Variants in DLG2 observed in about 807,000 individuals in gnomAD.
DLG2 encodes disks large homolog 2.
Under a neutral mutation model 132.5 loss-of-function variants are expected in DLG2, and 45 were observed. The observed-to-expected ratio is 0.34, with a 90% CI of 0.27 to 0.44. DLG2 has a LOEUF of 0.44. Ranked by LOEUF, DLG2 falls within the 20% of genes least tolerant of loss-of-function variation. The pLI is 1.00. For missense variants in DLG2, 1,045 were observed against 1,196.9 expected (o/e 0.87, Z 1.87); for synonymous variants, 424 against 419.6 (o/e 1.01, Z -0.13).
At chr11:84,831,747 G>A (rs539207042) in intron 6 of DLG2, among the ~76,000 whole-genome samples, 96 of 151,686 alleles carry the variant, frequency 6.3e-4, no homozygotes, top group Middle Eastern at 3.4e-3. Context: ...ATATTTAAAT[G>A]GAAGGCAAAT....
intron 6 of DLG2, among the ~76,000 whole-genome samples, chr11:84,750,187 G>A (rs949474170): frequency 1.3e-5 from 2 of 152,006 alleles, no homozygotes; most frequent in African/African-American, 4.8e-5. Flanking sequence ...AAGTTCTAGG[G>A]TACATGTGCA....
At chr11:84,827,308 G>A (rs1200055733) in intron 6 of DLG2, among the ~76,000 whole-genome samples, 1 of 151,450 alleles carries the variant, frequency 6.6e-6, no homozygotes, top group African/African-American at 2.4e-5. Context: ...CACAGAGACA[G>A]GAATGGGAAT....
chr11:85,537,583 G>A (rs1281611525), intron 3 of DLG2, among the ~76,000 whole-genome samples: 1 of 149,222 alleles, frequency 6.7e-6, no homozygotes, highest in Non-Finnish European at 1.5e-5. Flanking sequence ...TGCCACCTTT[G>A]TGAACTGTAA....
chr11:83,609,549 T>C (rs1037550451), intron 19 of DLG2, among the ~76,000 whole-genome samples: 1 of 152,216 alleles, frequency 6.6e-6, no homozygotes, highest in Non-Finnish European at 1.5e-5. Context: ...TATCTAACAA[T>C]TGATTTTAAA....
chr11:83,795,100 T>C (rs2153912881), intron 17 of DLG2, among the ~76,000 whole-genome samples: 1 of 152,314 alleles, frequency 6.6e-6, no homozygotes, highest in South Asian at 2.1e-4. Context: ...TGACTTTTAT[T>C]GGATCATTAA....
At chr11:84,881,180 C>A (rs773490093) in intron 6 of DLG2, among the ~76,000 whole-genome samples, 2 of 152,082 alleles carry the variant, frequency 1.3e-5, no homozygotes, top group African/African-American at 2.4e-5. Flanking sequence ...GGAGATGTGA[C>A]CTTTCCCATG....
intron 7 of DLG2, among the ~76,000 whole-genome samples, chr11:84,396,473 T>C (rs2098811435): frequency 6.6e-6 from 1 of 152,238 alleles, no homozygotes; most frequent in African/African-American, 2.4e-5. Flanking sequence ...TAATTTTCTT[T>C]TGTTTCGTGC....
rs896079640 is a variant in DLG2, at chr11:83,517,745, T to G, written c.2193+14963A>C. ...TGTTAGTTTTCCTTCTAACAGTCAG[T>G]ACCCTCAGCTGCAGGTCTGTTGGAG... On this transcript the variant is annotated intron_variant, in intron 21 of 27. Coordinates refer to ENST00000376104, the MANE Select transcript of DLG2 (RefSeq NM_001142699.3). Among the ~76,000 whole-genome samples the G allele has an allele frequency of 2.6e-5, 4 of 152,204 alleles. No homozygotes were observed. In the East Asian group the frequency reaches 5.8e-4, roughly 22 times the overall value.
chr11:85,583,016 G>A (rs1460681605), intron 3 of DLG2, among the ~76,000 whole-genome samples: 1 of 137,648 alleles, frequency 7.3e-6, no homozygotes, highest in Non-Finnish European at 1.6e-5. Context: ...ATATCAGCTA[G>A]AACCTGGGGA....
At chr11:84,036,424 T>A (rs200050770) in intron 11 of DLG2, among the ~76,000 whole-genome samples, 3 of 146,212 alleles carry the variant, frequency 2.1e-5, no homozygotes, top group Admixed American at 1.4e-4. Flanking sequence ...TGTTTTTTTT[T>A]ATTTTCAATT....
At chr11:84,248,006 T>C (rs1515084) in intron 8 of DLG2, among the ~76,000 whole-genome samples, 110,662 of 152,000 alleles carry the variant, frequency 0.73, 41,383 homozygotes, top group Middle Eastern at 0.85. Context: ...AAATCGTTTT[T>C]TCATTAAATA....
At chr11:84,568,541 C>A (rs1456021767) in intron 6 of DLG2, among the ~76,000 whole-genome samples, 1 of 152,036 alleles carries the variant, frequency 6.6e-6, no homozygotes. Flanking sequence ...GGCAGCCAAC[C>A]TGTAAAGCTG....
intron 8 of DLG2, among the ~76,000 whole-genome samples, chr11:84,226,000 G>T (rs1237911096): frequency 6.6e-6 from 1 of 152,046 alleles, no homozygotes; most frequent in Non-Finnish European, 1.5e-5. Flanking sequence ...TAGTAGAGAC[G>T]GAGTTTCCCC....
chr11:84,990,678 T>A (rs2056993971), intron 6 of DLG2, among the ~76,000 whole-genome samples: 1 of 151,546 alleles, frequency 6.6e-6, no homozygotes, highest in South Asian at 2.1e-4. Context: ...CTATTAAAAT[T>A]CATAAAATAA....
At chr11:84,472,515 T>C (rs542341049) in intron 7 of DLG2, among the ~76,000 whole-genome samples, 57 of 152,072 alleles carry the variant, frequency 3.7e-4, no homozygotes, top group African/African-American at 1.3e-3. Context: ...AACAGGGTAA[T>C]TTTTGTTTGT....
chr11:85,021,666 T>C, intron 6 of DLG2: 5 of 1,129,648 alleles, frequency 4.4e-6, no homozygotes, highest in Non-Finnish European at 5.4e-6. Flanking sequence ...TGTTTGATGA[T>C]AAGGTTTCTC....
chr11:83,499,888 T>C (rs1361203716), intron 21 of DLG2, among the ~76,000 whole-genome samples: 1 of 105,860 alleles, frequency 9.4e-6, no homozygotes, highest in African/African-American at 4.0e-5. Flanking sequence ...TATATATATA[T>C]ATATATATAT....
chr11:83,619,924 G>A (rs2061377474), intron 19 of DLG2, among the ~76,000 whole-genome samples: 1 of 152,088 alleles, frequency 6.6e-6, no homozygotes, highest in Non-Finnish European at 1.5e-5. Context: ...ACTGGAACTA[G>A]TAAAGAGGTT....
intron 18 of DLG2, among the ~76,000 whole-genome samples, chr11:83,675,012 G>C (rs2077444073): frequency 2.0e-5 from 3 of 152,212 alleles, no homozygotes; most frequent in Non-Finnish European, 4.4e-5. Context: ...GATCACGCTT[G>C]TGATAGAAAG....
Sources: gnomAD v4.1 joint callset for allele counts (sites outside exome capture counted in the v4.1 genomes callset) on GRCh38, gnomAD v4.1.1 for gene constraint, MANE v1.5 for transcripts, NCBI Gene and HGNC (gene_info 2026-07-23, HGNC 2026-07-21) for gene names.